TMEM117: variants seen among roughly 807,000 people sequenced by gnomAD.
TMEM117 encodes the protein transmembrane protein 117.
In TMEM117, 27 loss-of-function variants were observed where a neutral mutation model predicts 52.4. The observed-to-expected ratio is 0.51, with a 90% confidence interval of 0.38 to 0.71. TMEM117 has a LOEUF of 0.71. TMEM117 is among the 30% of genes least tolerant of loss of function. TMEM117 has a pLI of 0.00. For synonymous variants in TMEM117, 215 were observed against 206.3 expected, an observed-to-expected ratio of 1.04 and a Z score of -0.36; for missense variants, 556 against 630.5, an observed-to-expected ratio of 0.88 and a Z score of 1.26.
intron 3 of TMEM117, among the ~76,000 whole-genome samples, chr12:43,990,468 C>T (rs543711301): frequency 6.6e-6 from 1 of 152,200 alleles, no homozygotes; most frequent in African/African-American, 2.4e-5. Flanking sequence ...AAGGAGAGGG[C>T]ATTTATAAAG....
chr12:44,024,870 G>T (rs1034803704), intron 3 of TMEM117, among the ~76,000 whole-genome samples: 3 of 151,920 alleles, frequency 2.0e-5, no homozygotes, highest in Admixed American at 1.3e-4. Flanking sequence ...ATATATGTGT[G>T]TGCACACACA....
intron 2 of TMEM117, among the ~76,000 whole-genome samples, chr12:43,864,272 T>C (rs1943543984): frequency 6.6e-6 from 1 of 152,190 alleles, no homozygotes; most frequent in South Asian, 2.1e-4. Flanking sequence ...GCCCAAGGGC[T>C]GAGGAGTGCA....
intron 3 of TMEM117, among the ~76,000 whole-genome samples, chr12:43,963,973 C>G (rs1480553477): frequency 6.6e-6 from 1 of 152,078 alleles, no homozygotes. Context: ...GCACTTAAAA[C>G]TAATATGTAT....
chr12:44,204,157 T>A (rs1230729410), intron 4 of TMEM117, among the ~76,000 whole-genome samples: 1 of 152,086 alleles, frequency 6.6e-6, no homozygotes, highest in Admixed American at 6.6e-5. Flanking sequence ...TCTCAGACAA[T>A]ATGATTCTAT....
At chr12:44,189,157 CTT>C (rs965633318) in intron 4 of TMEM117, among the ~76,000 whole-genome samples, 3 of 151,994 alleles carry the variant, frequency 2.0e-5, no homozygotes, top group Non-Finnish European at 2.9e-5. Flanking sequence ...AACAATATGT[CTT>C]ATTTCTTTTA....
chr12:44,291,208 C>T (rs771851170), intron 5 of TMEM117, among the ~76,000 whole-genome samples: 1 of 151,980 alleles, frequency 6.6e-6, no homozygotes, highest in Non-Finnish European at 1.5e-5. Flanking sequence ...TTTCACCTCT[C>T]GTTAAATTTA....
At chr12:43,956,801 G>C (rs1230273896) in intron 3 of TMEM117, among the ~76,000 whole-genome samples, 2 of 151,998 alleles carry the variant, frequency 1.3e-5, no homozygotes, top group African/African-American at 2.4e-5. Context: ...CCCATTACTG[G>C]GTATATACCC....
chr12:43,822,507 T>A, the TMEM117 span, among the ~76,000 whole-genome samples: 3 of 150,844 alleles, frequency 2.0e-5, no homozygotes, highest in Non-Finnish European at 4.4e-5. Context: ...AGATAGAGTC[T>A]CACTTTGTCA....
chr12:44,159,915 A>C (rs1208440108), intron 4 of TMEM117, among the ~76,000 whole-genome samples: 4 of 152,170 alleles, frequency 2.6e-5, no homozygotes, highest in African/African-American at 9.7e-5. Context: ...AATGACAGAG[A>C]AGGCACAGGA....
At chr12:44,037,184 C>A (rs1161934748) in intron 3 of TMEM117, among the ~76,000 whole-genome samples, 1 of 152,126 alleles carries the variant, frequency 6.6e-6, no homozygotes, top group Admixed American at 6.5e-5. Context: ...ACTCAGAAAT[C>A]CCTGTGCTCT....
At chr12:43,906,804 G>A (rs59765380) in intron 2 of TMEM117, among the ~76,000 whole-genome samples, 10,022 of 150,508 alleles carry the variant, frequency 0.067, 386 homozygotes, top group Middle Eastern at 0.14. Context: ...AAAAAACGGC[G>A]CACCAGGAGA....
At chr12:44,288,341 C>A (rs1177511446) in intron 5 of TMEM117, among the ~76,000 whole-genome samples, 1 of 151,756 alleles carries the variant, frequency 6.6e-6, no homozygotes. Context: ...ATTTTTATTC[C>A]TTTTGGAGAA....
chr12:44,371,018 G>C (rs968041569), intron 6 of TMEM117, among the ~76,000 whole-genome samples: 1 of 152,156 alleles, frequency 6.6e-6, no homozygotes, highest in Non-Finnish European at 1.5e-5. Context: ...ATTCGGCCAA[G>C]TGATACTAGG....
At chr12:44,274,910 T>C (rs569184932) in intron 5 of TMEM117, among the ~76,000 whole-genome samples, 1 of 151,850 alleles carries the variant, frequency 6.6e-6, no homozygotes, top group Non-Finnish European at 1.5e-5. Context: ...TTTTCTGGAG[T>C]AATACCCCAG....
intron 2 of TMEM117, among the ~76,000 whole-genome samples, chr12:43,928,436 G>A (rs1944816624): frequency 6.6e-6 from 1 of 151,756 alleles, no homozygotes; most frequent in Non-Finnish European, 1.5e-5. Context: ...AAGGTATATA[G>A]GAGGTATACT....
chr12:44,341,707 C>T (rs563801294), intron 6 of TMEM117, among the ~76,000 whole-genome samples: 2 of 152,090 alleles, frequency 1.3e-5, no homozygotes, highest in Admixed American at 1.3e-4. Context: ...GCAGTCACAT[C>T]CGATGACAAA....
chr12:43,903,772 C>T (rs892368472), intron 2 of TMEM117, among the ~76,000 whole-genome samples: 2 of 152,022 alleles, frequency 1.3e-5, no homozygotes, highest in African/African-American at 4.8e-5. Context: ...TCAGCCTGGG[C>T]CATTTATATG....
rs372673130 is a variant in TMEM117, at chr12:44,388,233, G to A, written c.1106G>A (p.Arg369Gln). 3.5e-5 allele frequency: 57 copies of A among 1,613,266 alleles called. No individual in the cohort carries two copies. Among genetic ancestry groups the A allele is most frequent in the African/African-American group, 6.7e-5 (5 of 74,816 alleles). Residue 369 changes from arginine to glutamine, a missense_variant, in exon 8 of 8, where the codon CGG becomes CAG. Coordinates refer to ENST00000266534, the MANE Select transcript of TMEM117 (RefSeq NM_032256.3). Reference sequence around the variant, plus strand: ...TGGAGGTCCAATCACACTAACCCTCGGACTAATAAAACATATGTTGAGGGA... The same window carrying A: ...TGGAGGTCCAATCACACTAACCCTCAGACTAATAAAACATATGTTGAGGGA... ...WEWRSNHTNP[R>Q]TNKTYVEGDM... is the part of the protein sequence containing the mutation.
At chr12:43,885,493 C>A in intron 2 of TMEM117, among the ~76,000 whole-genome samples, 1 of 138,338 alleles carries the variant, frequency 7.2e-6, no homozygotes, top group East Asian at 2.2e-4. Context: ...AATGTGAATT[C>A]ATTGTAAAAC....
Sources: gnomAD v4.1 joint callset for allele counts (sites outside exome capture counted in the v4.1 genomes callset) on GRCh38, gnomAD v4.1.1 for gene constraint, MANE v1.5 for transcripts, NCBI Gene and HGNC (gene_info 2026-07-23, HGNC 2026-07-21) for gene names.